THSD7A: variants seen among roughly 807,000 people sequenced by gnomAD.
THSD7A encodes thrombospondin type-1 domain-containing protein 7A.
THSD7A carries 96 observed loss-of-function variants against 231.3 expected under a neutral mutation model. That is an observed-to-expected ratio of 0.41 (90% CI 0.35 to 0.49). The LOEUF (loss-of-function observed/expected upper bound fraction) is 0.49. THSD7A is among the 20% of genes least tolerant of loss of function. THSD7A has a pLI of 0.05. For synonymous variants in THSD7A, 940 were observed against 743.3 expected (o/e 1.26, Z -4.30); for missense variants, 2,290 against 2,070.2 (o/e 1.11, Z -2.06).
intron 4 of THSD7A, among the ~76,000 whole-genome samples, chr7:11,560,468 C>G (rs1194578357): frequency 6.6e-6 from 1 of 151,982 alleles, no homozygotes; most frequent in Non-Finnish European, 1.5e-5. Flanking sequence ...AAAACAAGGT[C>G]ACTGTGAGAG....
rs1454086228 is a variant in THSD7A, at chr7:11,474,452, A to G, written c.2134T>C (p.Ser712Pro). Reference protein sequence around the residue: ...GPWGQCIEDTSVSSFNTTTTW... With the variant: ...GPWGQCIEDTPVSSFNTTTTW... ...GTAGTTGTGTTGAAGGACGATACTG[A>G]GGTGTCCTCAATGCACTGGCCCCAG... is the stretch of plus-strand genomic sequence containing the variant. The change falls in exon 8 of 28, where the codon TCA becomes CCA. Residue 712 changes from serine (S) to proline (P), a missense_variant. Ser to Pro is a moderately conservative substitution (Grantham distance 74). Coordinates refer to ENST00000423059, the MANE Select transcript of THSD7A (RefSeq NM_015204.3). The surrounding 1 kb of genome is among the most constrained non-coding windows in gnomAD (Gnocchi z 4.1). 6.2e-7 allele frequency: 1 copy of G among 1,613,602 alleles called. No individual in the cohort carries two copies. The highest frequency in any genetic ancestry group is 8.5e-7 in the Non-Finnish European group (1 of 1,179,624).
At chr7:11,420,781 T>C (rs1053542423) in intron 16 of THSD7A, among the ~76,000 whole-genome samples, 8 of 152,168 alleles carry the variant, frequency 5.3e-5, no homozygotes, top group Non-Finnish European at 1.0e-4. Flanking sequence ...GGCTGTACCC[T>C]GCAGAGCCAC....
At chr7:11,451,538 C>T (rs1219428089) in intron 11 of THSD7A, among the ~76,000 whole-genome samples, 1 of 151,888 alleles carries the variant, frequency 6.6e-6, no homozygotes, top group African/African-American at 2.4e-5. Flanking sequence ...ATATTAGTCC[C>T]TCTACTTTTG....
intron 6 of THSD7A, among the ~76,000 whole-genome samples, chr7:11,495,086 C>T (rs1787045679): frequency 6.6e-6 from 1 of 151,964 alleles, no homozygotes; most frequent in South Asian, 2.1e-4. Flanking sequence ...TTATGGGCAA[C>T]TTGACCTTTG....
At chr7:11,722,786 C>A (rs1339542988) in intron 1 of THSD7A, among the ~76,000 whole-genome samples, 1 of 152,036 alleles carries the variant, frequency 6.6e-6, no homozygotes, top group Non-Finnish European at 1.5e-5. Context: ...GATACCATCT[C>A]ACACCAGTTA....
intron 1 of THSD7A, among the ~76,000 whole-genome samples, chr7:11,757,507 T>A (rs1389785607): frequency 6.6e-6 from 1 of 152,086 alleles, no homozygotes; most frequent in African/African-American, 2.4e-5. Context: ...TCACCCAAGT[T>A]ACAGATCTAG....
intron 23 of THSD7A, 74 bp downstream of exon 23, chr7:11,401,721 T>C: frequency 5.6e-6 from 8 of 1,428,826 alleles, no homozygotes; most frequent in Non-Finnish European, 7.4e-6. Flanking sequence ...CAACTTTGTT[T>C]ATTTTTAACA....
chr7:11,544,408 C>G (rs1189815065), intron 4 of THSD7A, among the ~76,000 whole-genome samples: 1 of 152,066 alleles, frequency 6.6e-6, no homozygotes, highest in Non-Finnish European at 1.5e-5. Context: ...TCCTTTATCA[C>G]TCTCATGATT....
chr7:11,392,461 G>A (rs1783020016), intron 23 of THSD7A, among the ~76,000 whole-genome samples: 1 of 152,148 alleles, frequency 6.6e-6, no homozygotes, highest in Non-Finnish European at 1.5e-5. Flanking sequence ...TGGCTGTTTG[G>A]GCAGACACTG....
intron 1 of THSD7A, among the ~76,000 whole-genome samples, chr7:11,792,309 T>C (rs1257589726): frequency 6.6e-6 from 1 of 152,030 alleles, no homozygotes; most frequent in East Asian, 1.9e-4. Context: ...AAGTGATCTG[T>C]CTGCCTAAAG....
intron 2 of THSD7A, among the ~76,000 whole-genome samples, chr7:11,605,492 G>C (rs1461631218): frequency 6.6e-6 from 1 of 152,028 alleles, no homozygotes; most frequent in Non-Finnish European, 1.5e-5. Flanking sequence ...CACTAACTGG[G>C]ACCTTGTCAG....
intron 1 of THSD7A, among the ~76,000 whole-genome samples, chr7:11,663,726 G>C (rs1298294297): frequency 6.6e-6 from 1 of 151,498 alleles, no homozygotes; most frequent in Non-Finnish European, 1.5e-5. Flanking sequence ...AGAATGCAAG[G>C]TTGGTTTTAA....
chr7:11,791,402 T>A (rs781078205), intron 1 of THSD7A, among the ~76,000 whole-genome samples: 3 of 152,014 alleles, frequency 2.0e-5, no homozygotes, highest in Non-Finnish European at 2.9e-5. Flanking sequence ...CCCCATTACC[T>A]TCTTTTTCTG....
At position 11,382,504 on chromosome 7, in the gene THSD7A, A is replaced by G; in HGVS notation, c.4507+17T>C. On this transcript the variant is annotated intron_variant, in intron 24 of 27. Coordinates refer to ENST00000423059, the MANE Select transcript of THSD7A (RefSeq NM_015204.3). ...ACAGGAAGATTTTCAAAGGACAAAGAGAAACTGGAGGTTTACCTGTTACAT... is the reference window on the plus strand; with the variant it reads ...ACAGGAAGATTTTCAAAGGACAAAGGGAAACTGGAGGTTTACCTGTTACAT... 2 of 1,592,792 alleles carry G rather than the reference A, an allele frequency of 1.3e-6. No homozygotes were observed. Among genetic ancestry groups the G allele is most frequent in the African/African-American group, 2.7e-5 (2 of 74,584 alleles).
intron 1 of THSD7A, among the ~76,000 whole-genome samples, chr7:11,676,854 T>C (rs563260511): frequency 2.6e-4 from 40 of 152,240 alleles, no homozygotes; most frequent in African/African-American, 9.4e-4. Context: ...TGCAGTGTAT[T>C]ATACAGGAGA....
At position 11,373,684 on chromosome 7, in the gene THSD7A, T is replaced by G. The variant is rs1411609516; in HGVS notation, c.*2110A>C. 1 of 152,028 alleles carries G rather than the reference T, an allele frequency of 6.6e-6. No individual in the cohort carries two copies. The highest frequency in any genetic ancestry group is 2.4e-5 in the African/African-American group (1 of 41,422). 9.4% of individuals were successfully genotyped at this position (152,028 alleles called of 1,614,324 possible). A position where few individuals can be genotyped will look rare whatever the true frequency, so the allele number is the denominator to read the frequency against. On this transcript the variant is annotated 3_prime_UTR_variant, in exon 28 of 28. Transcript: ENST00000423059. ...TATTTTCATTTTGGGGACAATGACA[T>G]CCTAACCTGATGTCTTTTGTAATCT...
rs56353626 is a variant in THSD7A, at chr7:11,484,874, A to ATTTTTTTTTTTTTT, written c.1823-2906_1823-2893dup. On this transcript the variant is annotated intron_variant, in intron 6 of 27. Coordinates refer to ENST00000423059, the MANE Select transcript of THSD7A (RefSeq NM_015204.3). ...CTCAACCCACTGAATCACAACCTTA[A>ATTTTTTTTTTTTTT]TTTTTTTTTTTTTTTTTTTTTTTTT... is the stretch of plus-strand genomic sequence containing the variant. Among the ~76,000 whole-genome samples, 196 of 53,820 alleles carry ATTTTTTTTTTTTTT rather than the reference A, an allele frequency of 3.6e-3. 45 individuals are homozygous for ATTTTTTTTTTTTTT. The highest frequency in any genetic ancestry group is 0.028 in the Middle Eastern group (1 of 36). The allele number at this position is 53,820 out of a possible 152,430, so 35.3% of individuals were successfully genotyped here.
rs891882777 is a variant in THSD7A at position 11,590,304 on chromosome 7, T to C, written c.1453+156A>G. Among the ~76,000 whole-genome samples, 2 of 152,166 alleles carry C rather than the reference T, an allele frequency of 1.3e-5. No individual in the cohort carries two copies. The highest frequency in any genetic ancestry group is 6.5e-5 in the Admixed American group (1 of 15,274). Reference sequence around the variant, plus strand: ...ATTGTGTTAAATATTTTCACAACCATAATGTGGATTACTGTTTACCATAGT... The same window carrying C: ...ATTGTGTTAAATATTTTCACAACCACAATGTGGATTACTGTTTACCATAGT... On this transcript the variant is annotated intron_variant, in intron 4 of 27. Transcript: ENST00000423059. The surrounding 1 kb of genome is among the most constrained non-coding windows in gnomAD (Gnocchi z 4.4).
chr7:11,756,773 A>C lies in THSD7A; in HGVS notation c.190+74984T>G, dbSNP rs17165174. 6.7e-3 allele frequency among the ~76,000 whole-genome samples: 1,019 copies of C among 152,216 alleles called. 5 individuals are homozygous for C. The highest frequency in any genetic ancestry group is 0.023 in the African/African-American group (968 of 41,558). On this transcript the variant is annotated intron_variant, in intron 1 of 27. Coordinates refer to ENST00000423059, the MANE Select transcript of THSD7A (RefSeq NM_015204.3). Reference sequence around the variant, plus strand: ...AGCCTCCAGAACTACAGAGTTGAAAATACAGAAAGGAAAGGCAATAATCAA... The same window carrying C: ...AGCCTCCAGAACTACAGAGTTGAAACTACAGAAAGGAAAGGCAATAATCAA...
Sources: gnomAD v4.1 joint callset for allele counts (sites outside exome capture counted in the v4.1 genomes callset) on GRCh38, gnomAD v4.1.1 for gene constraint, Gnocchi (gnomAD v3.1) non-coding constraint, MANE v1.5 for transcripts, NCBI Gene and HGNC (gene_info 2026-07-23, HGNC 2026-07-21) for gene names.